The following UNC13C variants were observed in gnomAD, a reference collection of about 807,000 sequenced individuals.
The protein encoded by UNC13C is protein unc-13 homolog C.
Under a neutral mutation model 245.4 loss-of-function variants are expected in UNC13C, and 174 were observed. That is an observed-to-expected ratio of 0.71 (90% confidence interval 0.63 to 0.80). The LOEUF (loss-of-function observed/expected upper bound fraction) is 0.80, where lower values mean the gene tolerates loss of function less well. Ranked by LOEUF, UNC13C falls within the 30% of genes least tolerant of loss-of-function variation. The pLI is 0.00. For synonymous variants in UNC13C, 992 were observed against 895.1 expected (o/e 1.11, Z -1.93); for missense variants, 2,829 against 2,602.9 (o/e 1.09, Z -1.89).
At chr15:53,934,178 G>T in the UNC13C span, among the ~76,000 whole-genome samples, 2 of 152,224 alleles carry the variant, frequency 1.3e-5, no homozygotes, top group Non-Finnish European at 2.9e-5. Context: ...ACAGCACCAA[G>T]TGGATGGTGC....
rs979885900 is a variant in UNC13C at position 54,220,614 on chromosome 15, A to T, written c.3072-14416A>T. ...AGTATAATAATAATAAAAATAAAAA[A>T]AATTAAAAAAATGCATCTTAATAAC... On this transcript the variant is annotated intron_variant, in intron 4 of 32. Transcript: ENST00000260323. Among the ~76,000 whole-genome samples the T allele has an allele frequency of 2.1e-4, 31 of 148,938 alleles. 2 individuals are homozygous for T. The highest frequency in any genetic ancestry group is 6.1e-4 in the African/African-American group (25 of 40,746).
intron 1 of UNC13C, among the ~76,000 whole-genome samples, chr15:54,002,147 G>A (rs373069574): frequency 1.1e-4 from 16 of 152,246 alleles, no homozygotes; most frequent in African/African-American, 3.8e-4. Flanking sequence ...ATTAGCCGGC[G>A]TGGTGGCGGG....
chr15:54,307,059 A>G lies in UNC13C; in HGVS notation c.4268+6686A>G, dbSNP rs114092647. On this transcript the variant is annotated intron_variant, in intron 13 of 32. Transcript: ENST00000260323. ...CAGTCTAGTTTCTCATGAACCCCAC[A>G]TTCTAGAAGATGAAATTAATTTATT... 4.1e-3 allele frequency among the ~76,000 whole-genome samples: 624 copies of G among 152,156 alleles called. 1 individual carries two copies. Among genetic ancestry groups the G allele is most frequent in the African/African-American group, 0.014 (596 of 41,550 alleles).
At chr15:54,222,250 C>T (rs1472455119) in intron 4 of UNC13C, among the ~76,000 whole-genome samples, 1 of 151,976 alleles carries the variant, frequency 6.6e-6, no homozygotes, top group Non-Finnish European at 1.5e-5. Context: ...CCACCCACCC[C>T]TACCCTTCCC....
chr15:54,352,449 A>G (rs1478740655), intron 17 of UNC13C, among the ~76,000 whole-genome samples: 2 of 151,142 alleles, frequency 1.3e-5, no homozygotes, highest in Non-Finnish European at 3.0e-5. Context: ...TGTGAATAAA[A>G]TGGTGTTGCA....
chr15:54,090,676 G>T (rs1001454716), intron 2 of UNC13C, among the ~76,000 whole-genome samples: 19 of 152,100 alleles, frequency 1.2e-4, no homozygotes, highest in African/African-American at 4.6e-4. Context: ...GAAGGATAGG[G>T]GTTACTCATC....
chr15:54,382,420 C>T (rs1018382171), intron 17 of UNC13C, among the ~76,000 whole-genome samples: 1 of 151,930 alleles, frequency 6.6e-6, no homozygotes, highest in African/African-American at 2.4e-5. Context: ...AAAACTCCAT[C>T]TCCGCAAAAC....
chr15:54,221,948 T>G (rs2035240036), intron 4 of UNC13C, among the ~76,000 whole-genome samples: 1 of 152,044 alleles, frequency 6.6e-6, no homozygotes, highest in South Asian at 2.1e-4. Flanking sequence ...AATTTTTGTT[T>G]TATTTTAAAT....
chr15:54,257,309 A>G (rs1176413373), intron 8 of UNC13C, among the ~76,000 whole-genome samples: 3 of 152,222 alleles, frequency 2.0e-5, no homozygotes, highest in East Asian at 3.9e-4. Context: ...CCTAAACAAT[A>G]TAGATAGCTT....
the UNC13C span, among the ~76,000 whole-genome samples, chr15:53,924,795 A>T: frequency 6.6e-6 from 1 of 152,252 alleles, no homozygotes; most frequent in South Asian, 2.1e-4. Context: ...TTGAACACAA[A>T]ATTCAAACAC....
At chr15:54,171,488 A>G (rs2033396153) in intron 4 of UNC13C, among the ~76,000 whole-genome samples, 2 of 152,184 alleles carry the variant, frequency 1.3e-5, no homozygotes. Context: ...AATGGCAAAC[A>G]GGTATATGAA....
rs970455701 is a variant in UNC13C at position 54,027,449 on chromosome 15, A to G, written c.2983+11563A>G. ...AGTGGCAGGATCTCGGCTCACTGCAACCTCCACCCCTCCGGATTCAAGTGA... is the reference window on the plus strand; with the variant it reads ...AGTGGCAGGATCTCGGCTCACTGCAGCCTCCACCCCTCCGGATTCAAGTGA... On this transcript the variant is annotated intron_variant, in intron 2 of 32. Coordinates refer to ENST00000260323, the MANE Select transcript of UNC13C (RefSeq NM_001080534.3). Among the ~76,000 whole-genome samples the G allele has an allele frequency of 2.6e-5, 4 of 151,980 alleles. 1 individual carries two copies. The South Asian group carries it at 8.3e-4, about 32-fold the overall frequency.
chr15:54,119,028 C>T (rs2030477464), intron 2 of UNC13C, among the ~76,000 whole-genome samples: 1 of 150,522 alleles, frequency 6.6e-6, no homozygotes, highest in African/African-American at 2.4e-5. Flanking sequence ...GGAAGTATTC[C>T]CTCCTCTCCA....
At chr15:54,237,353 A>C (rs1480768028) in intron 6 of UNC13C, among the ~76,000 whole-genome samples, 1 of 152,118 alleles carries the variant, frequency 6.6e-6, no homozygotes, top group African/African-American at 2.4e-5. Flanking sequence ...GGTCATCTTA[A>C]GACTGGTCAT....
Position 54,014,054 on chromosome 15 carries a change from C to T in UNC13C, c.1151C>T (p.Pro384Leu), listed in dbSNP as rs1201312242. ...CCCATACTTGTGTACTTTGAAACCC[C>T]TCAACAAAGGGATTCTGTCTTAAAA... The part of the protein sequence containing the change: ...PRPILVYFET[P>L]QQRDSVLKKS... Residue 384 changes from proline to leucine, a missense_variant, in exon 2 of 33, where the codon CCT becomes CTT. Coordinates refer to ENST00000260323, the MANE Select transcript of UNC13C (RefSeq NM_001080534.3). 1 of 1,613,754 alleles carries T rather than the reference C, an allele frequency of 6.2e-7. No homozygotes were observed.
chr15:54,272,615 T>C (rs537884987), intron 10 of UNC13C, among the ~76,000 whole-genome samples: 118 of 152,290 alleles, frequency 7.7e-4, no homozygotes, highest in Middle Eastern at 3.4e-3. Flanking sequence ...AATTTATTTA[T>C]TTATTTATTT....
Position 54,038,118 on chromosome 15 carries a change from A to ATTTTTTTTT in UNC13C, c.2983+22233_2983+22234insTTTTTTTTT, listed in dbSNP as rs1297641805. Among the ~76,000 whole-genome samples the ATTTTTTTTT allele has an allele frequency of 6.0e-3, 171 of 28,724 alleles. 1 individual carries two copies. Among genetic ancestry groups the ATTTTTTTTT allele is most frequent in the East Asian group, 0.018 (13 of 714 alleles). 18.8% of individuals were successfully genotyped at this position (28,724 alleles called of 152,430 possible). On this transcript the variant is annotated intron_variant, in intron 2 of 32. Transcript: ENST00000260323. The stretch of plus-strand genomic sequence containing the variant: ...CATATACATATATATATATATATAT[A>ATTTTTTTTT]TATATATTTTTTTTTTTTTTTTCCT...
intron 2 of UNC13C, among the ~76,000 whole-genome samples, chr15:54,059,494 G>C (rs1199079200): frequency 6.6e-6 from 1 of 152,202 alleles, no homozygotes; most frequent in Non-Finnish European, 1.5e-5. Context: ...AACATTCCAT[G>C]CTCATGGGTA....
At chr15:54,524,462 T>A (rs1053989779) in intron 24 of UNC13C, among the ~76,000 whole-genome samples, 14 of 152,198 alleles carry the variant, frequency 9.2e-5, no homozygotes, top group African/African-American at 3.4e-4. Context: ...ATTAATAAAG[T>A]CTCAAATGCC....
Sources: allele counts gnomAD v4.1 joint callset (sites outside exome capture counted in the v4.1 genomes callset), GRCh38; gene constraint gnomAD v4.1.1; transcripts MANE v1.5; gene names NCBI Gene and HGNC (gene_info 2026-07-23, HGNC 2026-07-21).